The following CTNND2 variants were observed in gnomAD, a reference collection of about 807,000 sequenced individuals.
CTNND2 encodes catenin delta-2.
A neutral mutation model predicts 144.4 loss-of-function variants in CTNND2; 22 were observed. The ratio of observed to expected loss-of-function variants is 0.15; its 90% CI spans 0.11 to 0.22. The LOEUF is 0.22. Among genes scored for constraint, CTNND2 ranks in the 10% least tolerant of loss-of-function variants. The pLI, the probability that CTNND2 is intolerant of heterozygous loss-of-function variation, is 1.00. For synonymous variants in CTNND2, 751 were observed against 695.6 expected (o/e 1.08, Z -1.25); for missense variants, 1,353 against 1,618.8 (o/e 0.84, Z 2.82).
intron 20 of CTNND2, among the ~76,000 whole-genome samples, chr5:10,982,850 C>T (rs1347808808): frequency 4.6e-5 from 7 of 152,066 alleles, no homozygotes; most frequent in African/African-American, 1.2e-4. Context: ...CTTGCAGCAA[C>T]GTGGTGGAAC....
At chr5:11,425,614 T>A (rs1277773632) in intron 3 of CTNND2, among the ~76,000 whole-genome samples, 1 of 152,186 alleles carries the variant, frequency 6.6e-6, no homozygotes, top group Admixed American at 6.5e-5. Context: ...GAATTGAAAT[T>A]CCTACTAACG....
intron 9 of CTNND2, among the ~76,000 whole-genome samples, chr5:11,296,426 A>G (rs1171268394): frequency 1.1e-4 from 17 of 152,308 alleles, no homozygotes; most frequent in African/African-American, 4.1e-4. Context: ...TCAGTGCGGC[A>G]ATTCCTCAGT....
chr5:11,444,309 C>G (rs249238), intron 3 of CTNND2, among the ~76,000 whole-genome samples: 7,268 of 152,096 alleles, frequency 0.048, 560 homozygotes, highest in African/African-American at 0.16. Context: ...CCAAAAAGTG[C>G]TAACAAAAAC....
intron 1 of CTNND2, among the ~76,000 whole-genome samples, chr5:11,771,642 C>T (rs533814153): frequency 6.6e-6 from 1 of 152,028 alleles, no homozygotes; most frequent in East Asian, 1.9e-4. Flanking sequence ...TTCTCCTGAC[C>T]CCCGTCTATT....
chr5:11,394,786 G>A (rs909165142), intron 6 of CTNND2, among the ~76,000 whole-genome samples: 6 of 152,104 alleles, frequency 3.9e-5, no homozygotes, highest in African/African-American at 1.4e-4. Flanking sequence ...GCTGAATAGA[G>A]ATTTTTAAAT....
At chr5:11,491,728 G>A (rs1441566993) in intron 3 of CTNND2, among the ~76,000 whole-genome samples, 1 of 152,204 alleles carries the variant, frequency 6.6e-6, no homozygotes, top group Non-Finnish European at 1.5e-5. Flanking sequence ...TTCCTCGTCG[G>A]TGAGTGGGAC....
chr5:11,172,016 GAAT>G (rs1759977265), intron 11 of CTNND2, among the ~76,000 whole-genome samples: 1 of 152,168 alleles, frequency 6.6e-6, no homozygotes, highest in Non-Finnish European at 1.5e-5. Flanking sequence ...TCTTACACTA[GAAT>G]AGTATTAGGT....
intron 2 of CTNND2, among the ~76,000 whole-genome samples, chr5:11,566,988 T>A (rs1299777418): frequency 6.6e-6 from 1 of 152,176 alleles, no homozygotes; most frequent in Non-Finnish European, 1.5e-5. Context: ...GGTAAAGAAG[T>A]CTTCCAGCTT....
intron 1 of CTNND2, among the ~76,000 whole-genome samples, chr5:11,735,519 A>G (rs763186634): frequency 5.3e-5 from 8 of 152,168 alleles, no homozygotes; most frequent in Non-Finnish European, 8.8e-5. Context: ...AGGGGACTCT[A>G]TGCAAGGTGA....
chr5:11,722,925 G>A (rs11741147), intron 2 of CTNND2, among the ~76,000 whole-genome samples: 34,318 of 152,008 alleles, frequency 0.23, 4,808 homozygotes, highest in African/African-American at 0.4. Flanking sequence ...TTCAAAATCT[G>A]TAATGATTAA....
chr5:10,981,539 T>C lies in CTNND2; in HGVS notation c.3417+234A>G, dbSNP rs13161979. 0.017 allele frequency among the ~76,000 whole-genome samples: 2,518 copies of C among 152,160 alleles called. 43 individuals carry two copies. The highest frequency in any genetic ancestry group is 0.02 in the Non-Finnish European group (1,339 of 68,012). On this transcript the variant is annotated intron_variant, in intron 21 of 21. Coordinates refer to ENST00000304623, the MANE Select transcript of CTNND2 (RefSeq NM_001332.4). The stretch of plus-strand genomic sequence containing the variant: ...CTTGCTTTCTGCACCAGATCAAGCA[T>C]GAGGTTCAAAGGCCGTTTGCACATT...
intron 10 of CTNND2, among the ~76,000 whole-genome samples, chr5:11,205,063 T>C (rs987573482): frequency 1.3e-5 from 2 of 152,236 alleles, no homozygotes; most frequent in African/African-American, 4.8e-5. Flanking sequence ...CAGGAATCTT[T>C]CATTTTAATA....
chr5:11,321,649 G>A (rs567006005), intron 9 of CTNND2, among the ~76,000 whole-genome samples: 2 of 152,258 alleles, frequency 1.3e-5, no homozygotes, highest in East Asian at 3.9e-4. Flanking sequence ...AGAAAGATGG[G>A]AAACTTGTGA....
chr5:11,330,917 C>T (rs1047953575), intron 9 of CTNND2, among the ~76,000 whole-genome samples: 1 of 151,954 alleles, frequency 6.6e-6, no homozygotes, highest in African/African-American at 2.4e-5. Context: ...TCCTAGAGGC[C>T]CATTTTACAA....
At chr5:11,237,177 G>T (rs1011134949) in intron 9 of CTNND2, among the ~76,000 whole-genome samples, 1 of 151,820 alleles carries the variant, frequency 6.6e-6, no homozygotes, top group Non-Finnish European at 1.5e-5. Context: ...CCACCACCAC[G>T]CCTGGCCAAT....
intron 12 of CTNND2, among the ~76,000 whole-genome samples, chr5:11,131,728 G>T (rs995451061): frequency 1.3e-5 from 2 of 152,154 alleles, no homozygotes; most frequent in Non-Finnish European, 2.9e-5. Flanking sequence ...GGCGGAGCTT[G>T]CAGTGAGCTG....
At chr5:11,228,353 CAAAAAAAAAAAA>C (rs564048343) in intron 10 of CTNND2, among the ~76,000 whole-genome samples, 1 of 26,734 alleles carries the variant, frequency 3.7e-5, no homozygotes, top group African/African-American at 1.1e-4. Context: ...CTCTCTCTCT[CAAAAAAAAAAAA>C]AAAAAAAAAA....
intron 10 of CTNND2, among the ~76,000 whole-genome samples, chr5:11,213,206 C>G (rs1293549088): frequency 3.3e-5 from 5 of 152,062 alleles, no homozygotes; most frequent in Admixed American, 6.5e-5. Flanking sequence ...ACTGGTGGAG[C>G]CATCTTGTGT....
At chr5:11,298,499 T>C (rs1381569795) in intron 9 of CTNND2, among the ~76,000 whole-genome samples, 1 of 152,202 alleles carries the variant, frequency 6.6e-6, no homozygotes, top group East Asian at 1.9e-4. Context: ...ATGCTAAAGC[T>C]TAGGAGTGAA....
Sources: allele counts gnomAD v4.1 joint callset (sites outside exome capture counted in the v4.1 genomes callset), GRCh38; gene constraint gnomAD v4.1.1; transcripts MANE v1.5; gene names NCBI Gene and HGNC (gene_info 2026-07-23, HGNC 2026-07-21).